Variants in EFCAB6 observed in about 807,000 individuals in gnomAD.
EFCAB6 encodes the protein EF-hand calcium binding domain 6.
Under a neutral mutation model 169.8 loss-of-function variants are expected in EFCAB6, and 156 were observed. That is an observed-to-expected ratio of 0.92 (90% confidence interval 0.81 to 1.05). EFCAB6 has a LOEUF of 1.05. EFCAB6 is among the 50% of genes least tolerant of loss of function. EFCAB6 has a pLI of 0.00. For missense variants in EFCAB6, 1,800 were observed against 1,829.1 expected, an observed-to-expected ratio of 0.98 and a Z score of 0.29; for synonymous variants, 698 against 676.4, an observed-to-expected ratio of 1.03 and a Z score of -0.50.
At chr22:43,539,262 G>A (rs1308498467) in intron 28 of EFCAB6, among the ~76,000 whole-genome samples, 1 of 152,190 alleles carries the variant, frequency 6.6e-6, no homozygotes, top group African/African-American at 2.4e-5. Flanking sequence ...CATCTTTGGG[G>A]TGCTCCTGAC....
rs1383762781 is a variant in EFCAB6, at chr22:43,812,268, G to C, written c.-245C>G. The C allele has an allele frequency of 6.6e-6, 1 of 152,324 alleles. No individual in the cohort carries two copies. The highest frequency in any genetic ancestry group is 2.4e-5 in the African/African-American group (1 of 41,482). The allele number at this position is 152,324 out of a possible 1,614,324, so 9.4% of individuals were successfully genotyped here. A position where few individuals can be genotyped will look rare whatever the true frequency, so the allele number is the denominator to read the frequency against. ...AGGGGCTGCCCATTCGGCGTCTCTA[G>C]GACGCTGTTGCCCGAGAGACGACGG... On this transcript the variant is annotated 5_prime_UTR_variant, in exon 1 of 32. Transcript: ENST00000262726.
chr22:43,673,417 G>A (rs186454951), intron 13 of EFCAB6, among the ~76,000 whole-genome samples: 1 of 152,216 alleles, frequency 6.6e-6, no homozygotes. Flanking sequence ...GTTCACTGCA[G>A]CAAAATTTTA....
intron 7 of EFCAB6, among the ~76,000 whole-genome samples, chr22:43,733,044 T>C (rs1275576733): frequency 6.6e-6 from 1 of 152,240 alleles, no homozygotes; most frequent in African/African-American, 2.4e-5. Context: ...AGTAATGCCA[T>C]GTAGTTATTT....
intron 10 of EFCAB6, among the ~76,000 whole-genome samples, chr22:43,708,951 C>T (rs1336202501): frequency 6.6e-6 from 1 of 152,154 alleles, no homozygotes; most frequent in Non-Finnish European, 1.5e-5. Flanking sequence ...AGGTCCCTCG[C>T]TAGAACAAGT....
intron 5 of EFCAB6, among the ~76,000 whole-genome samples, chr22:43,761,298 C>T (rs2061154836): frequency 6.6e-6 from 1 of 152,188 alleles, no homozygotes; most frequent in South Asian, 2.1e-4. Flanking sequence ...ACAAAACAGA[C>T]TAAGACAGGT....
At chr22:43,646,809 TA>T (rs1321786061) in intron 17 of EFCAB6, among the ~76,000 whole-genome samples, 4 of 152,256 alleles carry the variant, frequency 2.6e-5, no homozygotes, top group Non-Finnish European at 1.5e-5. Flanking sequence ...TAAACTTTTT[TA>T]TTCTACCCAA....
intron 17 of EFCAB6, among the ~76,000 whole-genome samples, chr22:43,641,238 G>A (rs922336637): frequency 6.6e-6 from 1 of 152,204 alleles, no homozygotes; most frequent in Non-Finnish European, 1.5e-5. Context: ...GTTGAATCCT[G>A]AGTCTGACTA....
intron 21 of EFCAB6, among the ~76,000 whole-genome samples, chr22:43,612,893 C>T (rs1032218905): frequency 2.3e-5 from 3 of 131,822 alleles, no homozygotes; most frequent in African/African-American, 8.6e-5. Context: ...GACTCCATCT[C>T]AATTAAAAAA....
chr22:43,613,998 G>A (rs1410411400), intron 21 of EFCAB6, among the ~76,000 whole-genome samples: 4 of 151,738 alleles, frequency 2.6e-5, no homozygotes, highest in Admixed American at 1.3e-4. Context: ...AAACTCTGAC[G>A]AGAAATGTTT....
At chr22:43,578,721 T>C (rs1044932525) in intron 25 of EFCAB6, among the ~76,000 whole-genome samples, 1 of 151,866 alleles carries the variant, frequency 6.6e-6, no homozygotes, top group Non-Finnish European at 1.5e-5. Context: ...CATCATTCCA[T>C]ACACACAGGC....
Position 43,576,450 on chromosome 22 carries a change from T to A in EFCAB6, c.3267A>T (p.Val1089=), listed in dbSNP as rs755393444. 2 of 1,589,936 alleles carry A rather than the reference T, an allele frequency of 1.3e-6. No homozygotes were observed. Among genetic ancestry groups the A allele is most frequent in the Non-Finnish European group, 1.7e-6 (2 of 1,173,060 alleles). ...SALDKEDTGF[V]KATEFGQVLK... ...GAACTTGTCCGAATTCTGTAGCCTT[T>A]ACAAATCCTGTATCCTCTTTATCCA... Residue 1089 remains valine, a synonymous_variant, in exon 26 of 32, where the codon GTA becomes GTT. Transcript: ENST00000262726.
At chr22:43,602,568 G>T (rs532346524) in intron 22 of EFCAB6, among the ~76,000 whole-genome samples, 47 of 152,212 alleles carry the variant, frequency 3.1e-4, no homozygotes, top group Admixed American at 8.5e-4. Flanking sequence ...AACTACATCA[G>T]GACTCTAACT....
chr22:43,530,488 G>T, intron 31 of EFCAB6: 1 of 978,576 alleles, frequency 1.0e-6, no homozygotes, highest in Non-Finnish European at 1.2e-6. Context: ...GCCCAGGTGT[G>T]GGGAGAGGGC....
chr22:43,644,238 C>T (rs147117075), intron 17 of EFCAB6, among the ~76,000 whole-genome samples: 158 of 152,142 alleles, frequency 1.0e-3, no homozygotes, highest in African/African-American at 3.6e-3. Flanking sequence ...CAGGAGATGA[C>T]GGGTGCACAG....
At position 43,752,116 on chromosome 22, in the gene EFCAB6, A is replaced by ATTTT. The variant is rs33992120; in HGVS notation, c.507+3646_507+3649dup. 5.3e-3 allele frequency among the ~76,000 whole-genome samples: 653 copies of ATTTT among 123,414 alleles called. 21 individuals carry two copies. The highest frequency in any genetic ancestry group is 0.014 in the African/African-American group (457 of 32,342). 81.0% of individuals were successfully genotyped at this position (123,414 alleles called of 152,430 possible). On this transcript the variant is annotated intron_variant, in intron 6 of 31. Transcript: ENST00000262726. ...TCACCTCTAACCACTTCTCCTTTCC[A>ATTTT]TTTTTTTTTTTTTTTTTTTGAGATA...
intron 23 of EFCAB6, among the ~76,000 whole-genome samples, chr22:43,590,764 A>G (rs2051444036): frequency 6.7e-6 from 1 of 149,982 alleles, no homozygotes; most frequent in Non-Finnish European, 1.5e-5. Flanking sequence ...AAAAAAAGAC[A>G]GTAGGTTTGT....
At chr22:43,536,631 G>T (rs5763962) in intron 29 of EFCAB6, 74,757 of 152,004 alleles carry the variant, frequency 0.49, 18,585 homozygotes, top group East Asian at 0.63. Flanking sequence ...CTTGAGATCA[G>T]GAGTTTGAGA....
intron 7 of EFCAB6, among the ~76,000 whole-genome samples, chr22:43,735,192 G>A (rs1273170785): frequency 6.6e-6 from 1 of 152,028 alleles, no homozygotes; most frequent in Non-Finnish European, 1.5e-5. Context: ...GTTTATAGGA[G>A]GCTCAAAAAA....
At position 43,667,289 on chromosome 22, in the gene EFCAB6, G is replaced by C; in HGVS notation, c.1815-17C>G. Reference sequence around the variant, plus strand: ...AGCTTGGTTCTAAAATCACAAGCAGGCATTTAGACCCAGTGTCAACTGACA... The same window carrying C: ...AGCTTGGTTCTAAAATCACAAGCAGCCATTTAGACCCAGTGTCAACTGACA... On this transcript the variant is annotated splice_polypyrimidine_tract_variant and intron_variant, in intron 16 of 31. Coordinates refer to ENST00000262726, the MANE Select transcript of EFCAB6 (RefSeq NM_022785.4). The C allele has an allele frequency of 6.2e-7, 1 of 1,611,120 alleles. No homozygotes were observed.
Sources: allele counts gnomAD v4.1 joint callset (sites outside exome capture counted in the v4.1 genomes callset), GRCh38; gene constraint gnomAD v4.1.1; transcripts MANE v1.5; gene names NCBI Gene and HGNC (gene_info 2026-07-23, HGNC 2026-07-21).